ACACA: variants seen among roughly 807,000 people sequenced by gnomAD.
ACACA encodes acetyl-CoA carboxylase alpha, also known as acetyl-CoA carboxylase 1.
ACACA carries 103 observed loss-of-function variants against 296.1 expected under a neutral mutation model. The observed-to-expected ratio is 0.35, with a 90% CI of 0.30 to 0.41. The LOEUF is 0.41. Ranked by LOEUF, ACACA falls within the 10% of genes least tolerant of loss-of-function variation. The pLI, the probability that ACACA is intolerant of heterozygous loss-of-function variation, is 1.00. For missense variants in ACACA, 1,554 were observed against 2,989.7 expected (o/e 0.52, Z 11.20); for synonymous variants, 953 against 1,038.6 (o/e 0.92, Z 1.58).
intron 45 of ACACA, among the ~76,000 whole-genome samples, chr17:37,131,368 C>T (rs1375690352): frequency 3.3e-5 from 5 of 152,128 alleles, no homozygotes; most frequent in South Asian, 2.1e-4. Context: ...AGATGGAAGC[C>T]GGGCAGCCTG....
chr17:37,363,336 C>T (rs1396698446), intron 1 of ACACA, among the ~76,000 whole-genome samples: 2 of 151,762 alleles, frequency 1.3e-5, no homozygotes, highest in East Asian at 4.0e-4. Context: ...GCGCGTGCCA[C>T]CATGCCCAGC....
intron 14 of ACACA, among the ~76,000 whole-genome samples, chr17:37,253,394 C>G (rs578046669): frequency 6.6e-6 from 1 of 151,052 alleles, no homozygotes; most frequent in Admixed American, 6.6e-5. Flanking sequence ...TCTGTCCCCC[C>G]AAAAAAATAA....
intron 1 of ACACA, among the ~76,000 whole-genome samples, chr17:37,396,655 T>C (rs2051091520): frequency 6.6e-6 from 1 of 152,324 alleles, no homozygotes; most frequent in South Asian, 2.1e-4. Context: ...TTCCTATGTC[T>C]ATGTCCATAA....
rs920420598 is a variant in ACACA, at chr17:37,168,621, G to A, written c.5080-6571C>T. On this transcript the variant is annotated intron_variant, in intron 41 of 55. Coordinates refer to ENST00000616317, the MANE Select transcript of ACACA (RefSeq NM_198834.3). ...TCTAGATTTTAGTCATACTACAACCGATCTTATTTATATAAAATTTGAAAG... is the reference window on the plus strand; with the variant it reads ...TCTAGATTTTAGTCATACTACAACCAATCTTATTTATATAAAATTTGAAAG... Among the ~76,000 whole-genome samples, 6 of 151,948 alleles carry A rather than the reference G, an allele frequency of 3.9e-5. No homozygotes were observed. The South Asian group carries it at 1.2e-3, about 32-fold the overall frequency.
In ACACA at chr17:37,263,867, T is replaced by C. The variant is rs761607327; in HGVS notation, c.1147A>G (p.Ile383Val). 1.2e-6 allele frequency: 2 copies of C among 1,613,834 alleles called. No homozygotes were observed. Among genetic ancestry groups the C allele is most frequent in the South Asian group, 1.1e-5 (1 of 91,066 alleles). ...QVQAEVPGSP[I>V]FVMRLAKQSR... ...TGTTTGGCTAGTCTCATCACAAATA[T>C]GGGAGATCCAGGAACTTCAGCTTGA... Residue 383 changes from isoleucine (I) to valine (V), a missense_variant, in exon 11 of 56, where the codon ATA (isoleucine) becomes GTA (valine). Around this residue, in one of 16 missense-constraint regions of ACACA, gnomAD observed 82 missense variants for 185.2 expected, o/e 0.44. Coordinates refer to ENST00000616317, the MANE Select transcript of ACACA (RefSeq NM_198834.3).
intron 45 of ACACA, among the ~76,000 whole-genome samples, chr17:37,136,616 T>C (rs1203116121): frequency 2.0e-5 from 3 of 151,980 alleles, no homozygotes; most frequent in Non-Finnish European, 4.4e-5. Flanking sequence ...TCCTGCATCC[T>C]CATCAACACT....
intron 5 of ACACA, among the ~76,000 whole-genome samples, chr17:37,279,077 C>A (rs2082391980): frequency 6.6e-6 from 1 of 151,878 alleles, no homozygotes; most frequent in Non-Finnish European, 1.5e-5. Flanking sequence ...TTAAAAAAAA[C>A]CTCAACATCA....
intron 36 of ACACA, 54 bp from the exon 37 acceptor site, chr17:37,192,359 T>C: frequency 6.7e-7 from 1 of 1,495,404 alleles, no homozygotes; most frequent in Non-Finnish European, 9.2e-7. Context: ...TACAAAATTA[T>C]ACTATGAATG....
At chr17:37,129,616 G>C (rs1248483308) in intron 46 of ACACA, 131 bp from the exon 47 acceptor site, 2 of 1,246,980 alleles carry the variant, frequency 1.6e-6, no homozygotes, top group Non-Finnish European at 2.3e-6. Context: ...CCAATCTTCA[G>C]CTGGAAGAAT....
intron 1 of ACACA, among the ~76,000 whole-genome samples, chr17:37,350,694 C>G (rs1388738417): frequency 6.6e-6 from 1 of 152,008 alleles, no homozygotes; most frequent in East Asian, 1.9e-4. Flanking sequence ...ACAAAATTAT[C>G]CGGGCATGGT....
chr17:37,317,301 T>C (rs1177226072), intron 3 of ACACA, among the ~76,000 whole-genome samples: 1 of 151,962 alleles, frequency 6.6e-6, no homozygotes, highest in Non-Finnish European at 1.5e-5. Flanking sequence ...TTTTAAATAC[T>C]TTTTGAGGCT....
Position 37,179,120 on chromosome 17 carries a change from T to G in ACACA, c.5079+140A>C, listed in dbSNP as rs1030766607. 2.8e-6 allele frequency: 3 copies of G among 1,053,468 alleles called. No homozygotes were observed. The African/African-American group carries it at 4.8e-5, about 17-fold the overall frequency. 65.3% of individuals were successfully genotyped at this position (1,053,468 alleles called of 1,614,324 possible). Reference sequence around the variant, plus strand: ...CACACCTAAAAAATTAATAATTTCTTGATACTCAGTCAATGCTCTCTCTAA... The same window carrying G: ...CACACCTAAAAAATTAATAATTTCTGGATACTCAGTCAATGCTCTCTCTAA... On this transcript the variant is annotated intron_variant, in intron 41 of 55. Coordinates refer to ENST00000616317, the MANE Select transcript of ACACA (RefSeq NM_198834.3).
intron 48 of ACACA, among the ~76,000 whole-genome samples, chr17:37,124,025 T>G (rs1407545185): frequency 6.6e-6 from 1 of 152,214 alleles, no homozygotes; most frequent in East Asian, 1.9e-4. Context: ...CTGGACAAGG[T>G]GCCATGGAAT....
At position 37,155,729 on chromosome 17, in the gene ACACA, G is replaced by C. The variant is rs1355372881; in HGVS notation, c.5401C>G (p.Leu1801Val). ...TPQDYKRVSA[L>V]NSVHCEHVED... ...ACGTGTTCACAATGGACAGAGTTGA[G>C]AGCACTGACTCTCTTATAATCTTGA... Residue 1801 changes from leucine (L) to valine (V), a missense_variant, in exon 43 of 56, where the codon CTC (leucine) becomes GTC (valine). Leu to Val is a conservative substitution (Grantham distance 32). Transcript: ENST00000616317. The C allele has an allele frequency of 2.5e-6, 4 of 1,611,646 alleles. 1 individual carries two copies. Among genetic ancestry groups the C allele is most frequent in the Non-Finnish European group, 1.7e-6 (2 of 1,179,138 alleles).
chr17:37,301,886 G>C (rs1341556275), intron 3 of ACACA, among the ~76,000 whole-genome samples: 1 of 152,164 alleles, frequency 6.6e-6, no homozygotes, highest in Non-Finnish European at 1.5e-5. Flanking sequence ...GTGAATTTAT[G>C]ATCAATTTAA....
intron 1 of ACACA, among the ~76,000 whole-genome samples, chr17:37,361,797 C>A (rs191627777): frequency 6.6e-6 from 1 of 152,142 alleles, no homozygotes; most frequent in African/African-American, 2.4e-5. Flanking sequence ...CTGTAAGAGG[C>A]GGAGGAGGAG....
intron 45 of ACACA, chr17:37,141,168 A>G: frequency 1.9e-6 from 1 of 528,794 alleles, no homozygotes; most frequent in Non-Finnish European, 3.6e-6. Flanking sequence ...TCAAAACCTC[A>G]TCCTTGAGAG....
At chr17:37,203,465 C>T (rs1374179266) in intron 33 of ACACA, among the ~76,000 whole-genome samples, 1 of 151,648 alleles carries the variant, frequency 6.6e-6, no homozygotes, top group Non-Finnish European at 1.5e-5. Context: ...TCTTCCAGGC[C>T]GGGCGCAGTG....
intron 1 of ACACA, among the ~76,000 whole-genome samples, chr17:37,366,237 A>G (rs2049596188): frequency 6.6e-6 from 1 of 152,110 alleles, no homozygotes; most frequent in Non-Finnish European, 1.5e-5. Flanking sequence ...TATCAGGTTC[A>G]GGTTTTTCCT....
Sources: gnomAD v4.1 joint callset for allele counts (sites outside exome capture counted in the v4.1 genomes callset) on GRCh38, gnomAD v4.1.1 for gene constraint, gnomAD v4.1.1 regional missense constraint, MANE v1.5 for transcripts, NCBI Gene and HGNC (gene_info 2026-07-23, HGNC 2026-07-21) for gene names.